TCF12: variants seen among roughly 807,000 people sequenced by gnomAD.
TCF12 encodes the protein DNA-binding protein HTF4.
In TCF12, 45 loss-of-function variants were observed where a neutral mutation model predicts 86.0. The ratio of observed to expected loss-of-function variants is 0.52; its 90% CI spans 0.41 to 0.67. TCF12 has a LOEUF of 0.67. TCF12 is among the 30% of genes least tolerant of loss of function. The probability of loss-of-function intolerance (pLI) is 0.00; values close to 1 mark genes in which losing one functional copy is unlikely to be tolerated. For synonymous variants in TCF12, 330 were observed against 299.6 expected, an observed-to-expected ratio of 1.10 and a Z score of -1.05; for missense variants, 881 against 859.9, an observed-to-expected ratio of 1.02 and a Z score of -0.31.
At chr15:56,966,896 G>C (rs543326981) in intron 3 of TCF12, among the ~76,000 whole-genome samples, 3 of 152,320 alleles carry the variant, frequency 2.0e-5, no homozygotes, top group Non-Finnish European at 4.4e-5. Flanking sequence ...GCCTAGGTGT[G>C]TGGATCACTT....
chr15:56,961,064 T>TG (rs2061728332), intron 3 of TCF12, among the ~76,000 whole-genome samples: 1 of 148,486 alleles, frequency 6.7e-6, no homozygotes, highest in African/African-American at 2.5e-5. Context: ...TGCTTGAACC[T>TG]GGGAGGCAGA....
At chr15:57,104,457 T>G (rs1408684881) in intron 5 of TCF12, among the ~76,000 whole-genome samples, 1 of 149,046 alleles carries the variant, frequency 6.7e-6, no homozygotes, top group Non-Finnish European at 1.5e-5. Flanking sequence ...TTTTTTTTTT[T>G]TTGAGATGGA....
chr15:57,035,509 C>T (rs1231132087), intron 3 of TCF12, among the ~76,000 whole-genome samples: 1 of 152,154 alleles, frequency 6.6e-6, no homozygotes, highest in East Asian at 1.9e-4. Flanking sequence ...TCAAGTGATC[C>T]TCCCACCTCG....
intron 3 of TCF12, among the ~76,000 whole-genome samples, chr15:57,059,410 G>A (rs2141672695): frequency 6.6e-6 from 1 of 152,130 alleles, no homozygotes; most frequent in South Asian, 2.1e-4. Context: ...TCTCATTCTT[G>A]TATGCTGTCT....
Position 56,921,008 on chromosome 15 carries a change from A to G in TCF12, c.76-18A>G, listed in dbSNP as rs75960447. On this transcript the variant is annotated intron_variant, in intron 2 of 20. Transcript: ENST00000333725. ...GAAGAATTTCAGGACTAACAGATAT[A>G]TTTGGGTTATTTTGCAGATGTTTTC... is the stretch of plus-strand genomic sequence containing the variant. 6,361 of 1,585,544 alleles carry G rather than the reference A, an allele frequency of 4.0e-3. 92 individuals carry two copies. The Admixed American group carries it at 0.047, about 12-fold the overall frequency.
chr15:57,122,423 C>A (rs1386287075), intron 5 of TCF12, among the ~76,000 whole-genome samples: 1 of 152,136 alleles, frequency 6.6e-6, no homozygotes, highest in Non-Finnish European at 1.5e-5. Flanking sequence ...TCAGCACATA[C>A]CTGTAAGCCA....
At chr15:57,040,577 GT>G (rs1367710381) in intron 3 of TCF12, among the ~76,000 whole-genome samples, 4 of 152,128 alleles carry the variant, frequency 2.6e-5, no homozygotes, top group African/African-American at 7.2e-5. Flanking sequence ...AGAGACAGCT[GT>G]TTTTAGGCTG....
intron 19 of TCF12, among the ~76,000 whole-genome samples, chr15:57,276,013 C>G (rs1304097837): frequency 2.0e-5 from 3 of 152,160 alleles, no homozygotes; most frequent in Admixed American, 6.5e-5. Context: ...ATTTTTATTC[C>G]CCAGCAGATA....
intron 19 of TCF12, among the ~76,000 whole-genome samples, chr15:57,278,116 G>A (rs1406971497): frequency 2.0e-5 from 3 of 152,010 alleles, no homozygotes; most frequent in African/African-American, 7.3e-5. Context: ...GCAGGCATTA[G>A]CCACCACACC....
chr15:57,092,479 T>G (rs2049054022), intron 5 of TCF12, among the ~76,000 whole-genome samples: 1 of 152,178 alleles, frequency 6.6e-6, no homozygotes. Flanking sequence ...AGGCAAAACC[T>G]TTGTGGTTAA....
intron 16 of TCF12, among the ~76,000 whole-genome samples, chr15:57,259,627 A>G (rs2152046190): frequency 6.6e-6 from 1 of 152,342 alleles, no homozygotes; most frequent in African/African-American, 2.4e-5. Flanking sequence ...TGGGCCTTTT[A>G]TTCTGAAATG....
intron 8 of TCF12, among the ~76,000 whole-genome samples, chr15:57,221,660 T>C (rs2058603745): frequency 6.6e-6 from 1 of 152,066 alleles, no homozygotes; most frequent in Non-Finnish European, 1.5e-5. Flanking sequence ...AAGGTGACTT[T>C]TATGTTCTGG....
At chr15:57,239,997 T>G (rs1436774201) in intron 12 of TCF12, among the ~76,000 whole-genome samples, 1 of 152,074 alleles carries the variant, frequency 6.6e-6, no homozygotes, top group Non-Finnish European at 1.5e-5. Context: ...TACCAAGAGA[T>G]AAAGCACAGG....
chr15:57,075,699 C>G (rs1423567262), intron 4 of TCF12, among the ~76,000 whole-genome samples: 2 of 151,956 alleles, frequency 1.3e-5, no homozygotes, highest in African/African-American at 4.8e-5. Flanking sequence ...TGAGTTCTCT[C>G]ATTAGACAAA....
chr15:57,082,436 G>A (rs1211973679), intron 4 of TCF12, among the ~76,000 whole-genome samples: 1 of 152,140 alleles, frequency 6.6e-6, no homozygotes, highest in Non-Finnish European at 1.5e-5. Context: ...AAGATGAACC[G>A]AAGAGGCTAG....
At chr15:57,278,856 CTT>C (rs2061544951) in intron 19 of TCF12, among the ~76,000 whole-genome samples, 1 of 145,360 alleles carries the variant, frequency 6.9e-6, no homozygotes, top group African/African-American at 2.6e-5. Context: ...CTCCTTTTTT[CTT>C]TGTTTTTCTT....
At chr15:56,948,192 G>T (rs1203907318) in intron 3 of TCF12, among the ~76,000 whole-genome samples, 46 of 151,826 alleles carry the variant, frequency 3.0e-4, no homozygotes, top group Admixed American at 2.9e-3. Flanking sequence ...CGTGATCATG[G>T]CTCACTGCAG....
At position 56,994,324 on chromosome 15, in the gene TCF12, A is replaced by G. The variant is rs576642089; in HGVS notation, c.149-69426A>G. Reference sequence around the variant, plus strand: ...TTTTAGACATCCAGGTTGTAATCCAAAATCTAACATATGAAGAACCAGGAA... The same window carrying G: ...TTTTAGACATCCAGGTTGTAATCCAGAATCTAACATATGAAGAACCAGGAA... On this transcript the variant is annotated intron_variant, in intron 3 of 20. Transcript: ENST00000333725. Among the ~76,000 whole-genome samples, 147 of 152,284 alleles carry G rather than the reference A, an allele frequency of 9.7e-4. 1 individual carries two copies. The highest frequency in any genetic ancestry group is 6.9e-4 in the Non-Finnish European group (47 of 67,986).
At chr15:56,978,088 A>G (rs17415731) in intron 3 of TCF12, among the ~76,000 whole-genome samples, 50,004 of 152,104 alleles carry the variant, frequency 0.33, 9,805 homozygotes, top group African/African-American at 0.53. Context: ...GTATATTAAA[A>G]AGCATGCATT....
Sources: gnomAD v4.1 joint callset for allele counts (sites outside exome capture counted in the v4.1 genomes callset) on GRCh38, gnomAD v4.1.1 for gene constraint, MANE v1.5 for transcripts, NCBI Gene and HGNC (gene_info 2026-07-23, HGNC 2026-07-21) for gene names.